SLC12A2: variants seen among roughly 807,000 people sequenced by gnomAD.
SLC12A2 encodes solute carrier family 12 member 2.
Under a neutral mutation model 136.3 loss-of-function variants are expected in SLC12A2, and 67 were observed. That is an observed-to-expected ratio of 0.49 (90% CI 0.40 to 0.60). The LOEUF (loss-of-function observed/expected upper bound fraction) is 0.60. SLC12A2 is among the 20% of genes least tolerant of loss of function. The probability of loss-of-function intolerance (pLI) is 0.00; values close to 1 mark genes in which losing one functional copy is unlikely to be tolerated. For synonymous variants in SLC12A2, 619 were observed against 562.9 expected, an observed-to-expected ratio of 1.10 and a Z score of -1.41; for missense variants, 1,322 against 1,534.7, an observed-to-expected ratio of 0.86 and a Z score of 2.32.
intron 11 of SLC12A2, among the ~76,000 whole-genome samples, chr5:128,148,528 A>G (rs1467137324): frequency 6.6e-6 from 1 of 151,692 alleles, no homozygotes; most frequent in Admixed American, 6.6e-5. Context: ...TAATTTCAAC[A>G]TGGGGATAGG....
chr5:128,174,226 T>C (rs1478509914), intron 19 of SLC12A2, among the ~76,000 whole-genome samples: 4 of 152,136 alleles, frequency 2.6e-5, no homozygotes, highest in Admixed American at 6.5e-5. Context: ...GATTTTGGAA[T>C]ATTTGCATTA....
At chr5:128,169,230 T>TC (rs1763294539) in intron 18 of SLC12A2, 1 of 127,230 alleles carries the variant, frequency 7.9e-6, no homozygotes, top group African/African-American at 4.1e-5. Flanking sequence ...TAATTGTCCT[T>TC]TAAAAAAAAC....
intron 9 of SLC12A2, among the ~76,000 whole-genome samples, chr5:128,141,079 G>A (rs565753111): frequency 6.6e-5 from 10 of 152,228 alleles, no homozygotes; most frequent in African/African-American, 1.7e-4. Context: ...TGCATTACAC[G>A]TTACTCTGAA....
At chr5:128,093,581 G>T (rs1581050683) in intron 1 of SLC12A2, among the ~76,000 whole-genome samples, 1 of 152,140 alleles carries the variant, frequency 6.6e-6, no homozygotes, top group African/African-American at 2.4e-5. Flanking sequence ...TCATCATACT[G>T]CAAAAGTGAG....
intron 4 of SLC12A2, among the ~76,000 whole-genome samples, chr5:128,128,744 G>GT (rs1463607000): frequency 6.6e-6 from 1 of 150,824 alleles, no homozygotes; most frequent in Non-Finnish European, 1.5e-5. Flanking sequence ...AAAATAAGGT[G>GT]TATACCTAGT....
intron 4 of SLC12A2, among the ~76,000 whole-genome samples, chr5:128,130,514 C>CAAA (rs565322518): frequency 3.9e-4 from 32 of 81,402 alleles, no homozygotes; most frequent in Non-Finnish European, 5.1e-4. Flanking sequence ...GACTCTGTCT[C>CAAA]AAAAAAAAAA....
chr5:128,153,283 G>A (rs1308537880), intron 15 of SLC12A2, among the ~76,000 whole-genome samples: 3 of 152,234 alleles, frequency 2.0e-5, no homozygotes, highest in South Asian at 2.1e-4. Flanking sequence ...GGCTGGGCAC[G>A]GTGGCTCACG....
At chr5:128,148,945 A>C (rs536757128) in intron 12 of SLC12A2, 68 bp downstream of exon 12, 486 of 1,294,138 alleles carry the variant, frequency 3.8e-4, no homozygotes, top group Non-Finnish European at 4.8e-4. Context: ...TTGAATTATT[A>C]AATTATTAAC....
At chr5:128,151,622 T>A (rs1762705902) in intron 14 of SLC12A2, among the ~76,000 whole-genome samples, 1 of 152,084 alleles carries the variant, frequency 6.6e-6, no homozygotes, top group African/African-American at 2.4e-5. Flanking sequence ...TATTCTGGTT[T>A]CCATTCTCAC....
intron 15 of SLC12A2, among the ~76,000 whole-genome samples, chr5:128,155,541 T>C (rs1762847919): frequency 1.3e-5 from 2 of 152,334 alleles, no homozygotes; most frequent in South Asian, 4.1e-4. Flanking sequence ...TTGTTTTCCC[T>C]GAAACTAATA....
chr5:128,098,561 G>GA (rs1760629262), intron 1 of SLC12A2, among the ~76,000 whole-genome samples: 1 of 151,366 alleles, frequency 6.6e-6, no homozygotes, highest in East Asian at 1.9e-4. Flanking sequence ...TTTTTATATG[G>GA]AAACTGGCCA....
chr5:128,094,592 C>T (rs74290668), intron 1 of SLC12A2, among the ~76,000 whole-genome samples: 15,028 of 151,702 alleles, frequency 0.099, 1,100 homozygotes, highest in East Asian at 0.25. Flanking sequence ...TTTTTATATC[C>T]ATTGAATATA....
chr5:128,139,040 A>G (rs528311613), intron 9 of SLC12A2, 132 bp downstream of exon 9: 402 of 653,510 alleles, frequency 6.2e-4, no homozygotes, highest in South Asian at 2.7e-3. Flanking sequence ...GGAGTTGCTC[A>G]TTATAATTCA....
At chr5:128,088,460 G>A (rs1314355768) in intron 1 of SLC12A2, among the ~76,000 whole-genome samples, 1 of 152,174 alleles carries the variant, frequency 6.6e-6, no homozygotes, top group Non-Finnish European at 1.5e-5. Flanking sequence ...ATGATGGAAT[G>A]CTAGATTATC....
intron 1 of SLC12A2, among the ~76,000 whole-genome samples, chr5:128,108,595 AATTC>A (rs1247203974): frequency 2.0e-5 from 3 of 152,228 alleles, no homozygotes; most frequent in Non-Finnish European, 4.4e-5. Context: ...AGAATAGGCA[AATTC>A]ATAGAGACAG....
At chr5:128,094,386 G>C (rs1046287282) in intron 1 of SLC12A2, among the ~76,000 whole-genome samples, 1 of 151,780 alleles carries the variant, frequency 6.6e-6, no homozygotes, top group East Asian at 1.9e-4. Context: ...CCTGTTTTGC[G>C]TATGTGGTGT....
chr5:128,175,747 T>C (rs112719824), intron 20 of SLC12A2, among the ~76,000 whole-genome samples: 171 of 152,110 alleles, frequency 1.1e-3, no homozygotes, highest in African/African-American at 3.9e-3. Context: ...TACCTTTTTA[T>C]TGTAAAAATC....
intron 11 of SLC12A2, 100 bp from the exon 12 acceptor site, chr5:128,148,654 T>C: frequency 1.0e-6 from 1 of 968,120 alleles, no homozygotes. Context: ...TGACCAAGAA[T>C]TAGAAACTTG....
chr5:128,099,323 A>G (rs1428273893), intron 1 of SLC12A2, among the ~76,000 whole-genome samples: 1 of 152,164 alleles, frequency 6.6e-6, no homozygotes, highest in Non-Finnish European at 1.5e-5. Flanking sequence ...AGAAACCTAA[A>G]CAGTAAAAAT....
Sources: gnomAD v4.1 joint callset for allele counts (sites outside exome capture counted in the v4.1 genomes callset) on GRCh38, gnomAD v4.1.1 for gene constraint, MANE v1.5 for transcripts, NCBI Gene and HGNC (gene_info 2026-07-23, HGNC 2026-07-21) for gene names.